Variants in RASGRP1 observed in about 807,000 individuals in gnomAD.
The protein encoded by RASGRP1 is RAS guanyl-releasing protein 1.
RASGRP1 carries 37 observed loss-of-function variants against 95.1 expected under a neutral mutation model. The observed-to-expected ratio is 0.39, with a 90% CI of 0.30 to 0.51. The LOEUF (loss-of-function observed/expected upper bound fraction) is 0.51, where lower values mean the gene tolerates loss of function less well. RASGRP1 is among the 20% of genes least tolerant of loss of function. The pLI is 0.80. For synonymous variants in RASGRP1, 325 were observed against 353.4 expected, an observed-to-expected ratio of 0.92 and a Z score of 0.90; for missense variants, 711 against 965.4, an observed-to-expected ratio of 0.74 and a Z score of 3.49.
chr15:38,492,803 A>G (rs1018503689), intron 16 of RASGRP1, among the ~76,000 whole-genome samples: 9 of 151,686 alleles, frequency 5.9e-5, no homozygotes, highest in African/African-American at 2.2e-4. Flanking sequence ...TAATGATTGA[A>G]CCTTCAGAAT....
chr15:38,503,384 G>A lies in RASGRP1; in HGVS notation c.1324-8C>T, dbSNP rs1891115618. 1 of 1,565,712 alleles carries A rather than the reference G, an allele frequency of 6.4e-7. No individual in the cohort carries two copies. The highest frequency in any genetic ancestry group is 2.3e-5 in the East Asian group (1 of 44,198). On this transcript the variant is annotated splice_polypyrimidine_tract_variant and splice_region_variant and intron_variant, in intron 10 of 16. Coordinates refer to ENST00000310803, the MANE Select transcript of RASGRP1 (RefSeq NM_005739.4). Reference sequence around the variant, plus strand: ...CTTTGAAGGTGTTAGTGGCTAAAATGAAATATTTAGAGAAATCCTCATGAC... The same window carrying A: ...CTTTGAAGGTGTTAGTGGCTAAAATAAAATATTTAGAGAAATCCTCATGAC...
intron 8 of RASGRP1, 82 bp from the exon 9 acceptor site, chr15:38,508,083 C>T (rs573808897): frequency 3.0e-4 from 443 of 1,454,116 alleles, no homozygotes; most frequent in Admixed American, 2.1e-3. Flanking sequence ...TGTTTGCATC[C>T]TGTGCCATGA....
At chr15:38,562,092 TG>T (rs559742597) in intron 1 of RASGRP1, among the ~76,000 whole-genome samples, 134 of 152,346 alleles carry the variant, frequency 8.8e-4, no homozygotes, top group African/African-American at 2.8e-3. Context: ...AGCACCTCTC[TG>T]GCTTTATTCA....
chr15:38,512,831 C>T lies in RASGRP1; in HGVS notation c.801G>A (p.Thr267=), dbSNP rs200086434. 284 of 1,613,712 alleles carry T rather than the reference C, an allele frequency of 1.8e-4. 1 individual carries two copies. In the East Asian group the frequency reaches 5.3e-3, roughly 30 times the overall value. ...TGAAGACTTCTGCTCGGAGCTGCGG[C>T]GTGGGGCGGCTGAGAACCATCAGTT... is the stretch of plus-strand genomic sequence containing the variant. The part of the protein sequence containing the change: ...WVQLMVLSRP[T]PQLRAEVFIK... Residue 267 remains threonine (T), a synonymous_variant, in exon 7 of 17, where the codon ACG becomes ACA. Transcript: ENST00000310803.
rs140430510 is a variant in RASGRP1 at position 38,532,253 on chromosome 15, C to A, written c.221-5849G>T. ...AATGTGCAACGCATAATAAAATGTG[C>A]GTATTTTTTCATTACCATCTGCTTC... On this transcript the variant is annotated intron_variant, in intron 2 of 16. Transcript: ENST00000310803. Among the ~76,000 whole-genome samples the A allele has an allele frequency of 2.1e-3, 323 of 152,254 alleles. 1 individual carries two copies. Among genetic ancestry groups the A allele is most frequent in the African/African-American group, 7.4e-3 (307 of 41,524 alleles).
intron 2 of RASGRP1, among the ~76,000 whole-genome samples, chr15:38,538,388 A>G (rs1566931454): frequency 1.3e-5 from 2 of 152,248 alleles, no homozygotes; most frequent in Non-Finnish European, 2.9e-5. Flanking sequence ...GTTGTTACTT[A>G]TTGGAAGATG....
In RASGRP1 at chr15:38,524,233, CA is replaced by C. The variant is rs796837449; in HGVS notation, c.326+2065del. ...AGACCCCTCTCCCCGCACCAATTTC[CA>C]AAAAAAAAAGGAAAGGTTTAAGTTA... On this transcript the variant is annotated intron_variant, in intron 3 of 16. Transcript: ENST00000310803. 854 of 143,916 alleles carry C rather than the reference CA, an allele frequency of 5.9e-3. 12 individuals are homozygous for C. Among genetic ancestry groups the C allele is most frequent in the African/African-American group, 0.02 (794 of 39,240 alleles). 8.9% of individuals were successfully genotyped at this position (143,916 alleles called of 1,614,324 possible).
At chr15:38,503,796 G>C (rs556485410) in intron 10 of RASGRP1, 1 of 215,694 alleles carries the variant, frequency 4.6e-6, no homozygotes, top group Non-Finnish European at 9.2e-6. Context: ...AAAAATCATC[G>C]GAAGCCTGGA....
chr15:38,512,978 CAACA>C, intron 6 of RASGRP1, 22 bp from the exon 7 acceptor site: 1 of 1,482,668 alleles, frequency 6.7e-7, no homozygotes, highest in Non-Finnish European at 8.9e-7. Flanking sequence ...GAAACAACAA[CAACA>C]AAAAAAACCT....
At chr15:38,515,273 C>T (rs2141120108) in intron 6 of RASGRP1, among the ~76,000 whole-genome samples, 1 of 152,280 alleles carries the variant, frequency 6.6e-6, no homozygotes, top group South Asian at 2.1e-4. Context: ...CCTCCATCCC[C>T]TCACCAGGAG....
At chr15:38,518,123 C>T (rs547285579) in intron 5 of RASGRP1, among the ~76,000 whole-genome samples, 169 bp downstream of exon 5, 22 of 152,238 alleles carry the variant, frequency 1.4e-4, no homozygotes, top group Non-Finnish European at 2.6e-4. Context: ...TGTTAAATGC[C>T]AAGCCTTCAC....
intron 2 of RASGRP1, among the ~76,000 whole-genome samples, chr15:38,552,741 A>G (rs1037651347): frequency 3.9e-5 from 6 of 152,254 alleles, no homozygotes; most frequent in African/African-American, 1.4e-4. Context: ...ATTTTCAATC[A>G]TGGCTGTGTT....
intron 2 of RASGRP1, among the ~76,000 whole-genome samples, chr15:38,552,385 C>G (rs1230596808): frequency 6.6e-6 from 1 of 152,176 alleles, no homozygotes; most frequent in African/African-American, 2.4e-5. Flanking sequence ...TGTAAGCACC[C>G]TCTGTATCTG....
chr15:38,541,897 G>A (rs1415991454), intron 2 of RASGRP1, among the ~76,000 whole-genome samples: 7 of 152,186 alleles, frequency 4.6e-5, no homozygotes, highest in Non-Finnish European at 2.9e-5. Context: ...AGTCAGATTT[G>A]ACTGGAAGAA....
chr15:38,510,484 C>T (rs966189400), intron 8 of RASGRP1, among the ~76,000 whole-genome samples: 1 of 152,182 alleles, frequency 6.6e-6, no homozygotes, highest in Admixed American at 6.5e-5. Context: ...CTGGGAAAAA[C>T]AGATGGGGTA....
intron 4 of RASGRP1, 128 bp from the exon 5 acceptor site, chr15:38,518,551 G>T: frequency 2.0e-6 from 2 of 991,686 alleles, no homozygotes; most frequent in South Asian, 1.6e-5. Flanking sequence ...TCGTCTATTA[G>T]TATATTGAAG....
intron 2 of RASGRP1, among the ~76,000 whole-genome samples, chr15:38,535,525 G>C (rs760616430): frequency 2.6e-5 from 4 of 152,276 alleles, no homozygotes; most frequent in Non-Finnish European, 5.9e-5. Context: ...GAGACTCTGT[G>C]AGTCAGTGGC....
chr15:38,564,730 G>C lies in RASGRP1; in HGVS notation c.-102C>G, dbSNP rs896496253. ...CCGCCTGCCGGCTCTCTCCCCCCCG[G>C]GCCTCGTAGCCCCGGCGCCCGCCAG... On this transcript the variant is annotated 5_prime_UTR_variant, in exon 1 of 17. Transcript: ENST00000310803. 2.9e-6 allele frequency: 3 copies of C among 1,026,456 alleles called. No homozygotes were observed. Among genetic ancestry groups the C allele is most frequent in the Non-Finnish European group, 3.6e-6 (3 of 825,470 alleles). 63.6% of individuals were successfully genotyped at this position (1,026,456 alleles called of 1,614,324 possible). A position where few individuals can be genotyped will look rare whatever the true frequency, so the allele number is the denominator to read the frequency against.
Position 38,506,633 on chromosome 15 carries a change from T to TA in RASGRP1, c.1243-714_1243-713insT, listed in dbSNP as rs200047460. On this transcript the variant is annotated intron_variant, in intron 9 of 16. Coordinates refer to ENST00000310803, the MANE Select transcript of RASGRP1 (RefSeq NM_005739.4). Reference sequence around the variant, plus strand: ...CTAGGTCATAGAGCCAGACCTTGTCTCCAAAAAAAAAAAAAAAAAAAAAAA... The same window carrying TA: ...CTAGGTCATAGAGCCAGACCTTGTCTACCAAAAAAAAAAAAAAAAAAAAAAA... Among the ~76,000 whole-genome samples the TA allele has an allele frequency of 5.7e-4, 41 of 71,998 alleles. 1 individual carries two copies. In the East Asian group the frequency reaches 0.01, roughly 18 times the overall value. 47.2% of individuals were successfully genotyped at this position (71,998 alleles called of 152,430 possible). A position where few individuals can be genotyped will look rare whatever the true frequency, so the allele number is the denominator to read the frequency against.
Sources: allele counts gnomAD v4.1 joint callset (sites outside exome capture counted in the v4.1 genomes callset), GRCh38; gene constraint gnomAD v4.1.1; transcripts MANE v1.5; gene names NCBI Gene and HGNC (gene_info 2026-07-23, HGNC 2026-07-21).